The following ELP4 variants were observed in gnomAD, a reference collection of about 807,000 sequenced individuals.
ELP4 encodes the protein elongator acetyltransferase complex subunit 4, also known as elongator complex protein 4.
Under a neutral mutation model 48.9 loss-of-function variants are expected in ELP4, and 51 were observed. That is an observed-to-expected ratio of 1.04 (90% CI 0.83 to 1.32). The LOEUF (loss-of-function observed/expected upper bound fraction) is 1.32, where lower values mean the gene tolerates loss of function less well. Ranked by LOEUF, ELP4 falls within the 40% of genes most tolerant of loss-of-function variation. The pLI, the probability that ELP4 is intolerant of heterozygous loss-of-function variation, is 0.00. For synonymous variants in ELP4, 210 were observed against 189.2 expected, an observed-to-expected ratio of 1.11 and a Z score of -0.90; for missense variants, 519 against 514.6, an observed-to-expected ratio of 1.01 and a Z score of -0.08.
At chr11:31,673,503 A>G (rs1458358769) in intron 9 of ELP4, among the ~76,000 whole-genome samples, 1 of 151,858 alleles carries the variant, frequency 6.6e-6, no homozygotes, top group Non-Finnish European at 1.5e-5. Context: ...TGCTAATTTT[A>G]TTTTTTGTAG....
intron 9 of ELP4, among the ~76,000 whole-genome samples, chr11:31,670,651 CAATAATACAAAGTG>C (rs2134105923): frequency 6.6e-6 from 1 of 152,178 alleles, no homozygotes; most frequent in Admixed American, 6.5e-5. Context: ...TGACACTCCA[CAATAATACAAAGTG>C]AAAATTTCAA....
At chr11:31,634,552 T>C (rs1944932306) in intron 7 of ELP4, among the ~76,000 whole-genome samples, 1 of 152,034 alleles carries the variant, frequency 6.6e-6, no homozygotes, top group Non-Finnish European at 1.5e-5. Context: ...CCATTGCGGA[T>C]TTCTGTGACA....
intron 9 of ELP4, among the ~76,000 whole-genome samples, chr11:31,777,926 C>A (rs749603032): frequency 2.0e-5 from 3 of 152,204 alleles, no homozygotes; most frequent in African/African-American, 4.8e-5. Flanking sequence ...CCACTTGGAG[C>A]AGTTCAGAAT....
At chr11:31,776,337 C>G (rs941565624) in intron 9 of ELP4, among the ~76,000 whole-genome samples, 1 of 152,124 alleles carries the variant, frequency 6.6e-6, no homozygotes. Flanking sequence ...GGTGCCTCCT[C>G]TTTAAGGAGC....
chr11:31,652,484 G>A (rs1945341277), intron 9 of ELP4: 1 of 151,610 alleles, frequency 6.6e-6, no homozygotes, highest in African/African-American at 2.4e-5. Flanking sequence ...ACTAGAAACA[G>A]GGGTAGAAAT....
At chr11:31,736,334 A>G (rs534682016) in intron 9 of ELP4, among the ~76,000 whole-genome samples, 1 of 152,224 alleles carries the variant, frequency 6.6e-6, no homozygotes, top group Non-Finnish European at 1.5e-5. Flanking sequence ...TTCAAGCTGG[A>G]TTAAAGACTT....
intron 9 of ELP4, among the ~76,000 whole-genome samples, chr11:31,674,420 T>C (rs1006642463): frequency 6.6e-6 from 1 of 152,204 alleles, no homozygotes; most frequent in African/African-American, 2.4e-5. Context: ...AGAAAAACCT[T>C]GAAGTGTGAT....
chr11:31,782,950 T>A (rs995322920), intron 9 of ELP4, among the ~76,000 whole-genome samples: 1 of 152,208 alleles, frequency 6.6e-6, no homozygotes, highest in Non-Finnish European at 1.5e-5. Flanking sequence ...TTCATGGGAA[T>A]CTATAATTGC....
At chr11:31,773,111 A>T (rs967901667) in intron 9 of ELP4, among the ~76,000 whole-genome samples, 1 of 152,164 alleles carries the variant, frequency 6.6e-6, no homozygotes, top group African/African-American at 2.4e-5. Context: ...GGGGCCTAGG[A>T]TTACTGTAGA....
In ELP4 at chr11:31,567,233, T is replaced by TGTA. The variant is rs549998934; in HGVS notation, c.381+27454_381+27456dup. Among the ~76,000 whole-genome samples, 19 of 152,264 alleles carry TGTA rather than the reference T, an allele frequency of 1.2e-4. No homozygotes were observed. The East Asian group carries it at 2.3e-3, about 19-fold the overall frequency. Reference sequence around the variant, plus strand: ...CAGGCGTGAGCCACCGCACCCGGCCTGTAGTACTTCTTAAAGGTGATGCAA... The same window carrying TGTA: ...CAGGCGTGAGCCACCGCACCCGGCCTGTAGTAGTACTTCTTAAAGGTGATGCAA... On this transcript the variant is annotated intron_variant, in intron 3 of 9. Transcript: ENST00000640961.
intron 8 of ELP4, chr11:31,648,519 T>G (rs56007873): frequency 6.6e-6 from 1 of 151,458 alleles, no homozygotes; most frequent in African/African-American, 2.4e-5. Flanking sequence ...AAGTGTAGTA[T>G]TTAGGTCTTA....
At chr11:31,517,441 G>A (rs1296873286) in intron 1 of ELP4, among the ~76,000 whole-genome samples, 2 of 152,018 alleles carry the variant, frequency 1.3e-5, no homozygotes, top group Non-Finnish European at 2.9e-5. Context: ...TGGGATTGCA[G>A]GTGTGAGCCA....
At chr11:31,672,439 G>A (rs1945829537) in intron 9 of ELP4, among the ~76,000 whole-genome samples, 1 of 152,182 alleles carries the variant, frequency 6.6e-6, no homozygotes, top group Non-Finnish European at 1.5e-5. Context: ...TTCCAGTGCT[G>A]TGAAAAACCT....
At chr11:31,783,295 A>C (rs1038900707) in intron 9 of ELP4, 98 bp from the exon 10 acceptor site, 45 of 1,055,762 alleles carry the variant, frequency 4.3e-5, no homozygotes, top group Middle Eastern at 5.8e-4. Context: ...GCTGATCAAC[A>C]GAGCATAATA....
chr11:31,529,391 C>T (rs188959160), intron 2 of ELP4, among the ~76,000 whole-genome samples: 8 of 152,266 alleles, frequency 5.3e-5, no homozygotes, highest in African/African-American at 7.2e-5. Flanking sequence ...ACCACCGTCA[C>T]TGCTGTTACC....
intron 9 of ELP4, chr11:31,664,464 A>C (rs969667059): frequency 1.3e-5 from 2 of 152,116 alleles, no homozygotes; most frequent in Non-Finnish European, 2.9e-5. Flanking sequence ...AGTCTGATTT[A>C]AAGATACCAA....
intron 9 of ELP4, among the ~76,000 whole-genome samples, chr11:31,756,811 A>T (rs905417299): frequency 6.6e-5 from 10 of 152,174 alleles, no homozygotes; most frequent in Non-Finnish European, 2.9e-5. Flanking sequence ...AATTTATTTT[A>T]CCTGATTATC....
At chr11:31,590,585 A>G (rs1027320587) in intron 3 of ELP4, among the ~76,000 whole-genome samples, 3 of 152,182 alleles carry the variant, frequency 2.0e-5, no homozygotes, top group Non-Finnish European at 4.4e-5. Context: ...CCATTCTCAA[A>G]TTGTTATAAA....
chr11:31,610,827 C>A (rs1957965975), intron 5 of ELP4, among the ~76,000 whole-genome samples: 1 of 152,156 alleles, frequency 6.6e-6, no homozygotes, highest in Non-Finnish European at 1.5e-5. Flanking sequence ...TTATTTTCCA[C>A]CTTATTCACC....
Sources: allele counts gnomAD v4.1 joint callset (sites outside exome capture counted in the v4.1 genomes callset), GRCh38; gene constraint gnomAD v4.1.1; transcripts MANE v1.5; gene names NCBI Gene and HGNC (gene_info 2026-07-23, HGNC 2026-07-21).